LONP2: variants seen among roughly 807,000 people sequenced by gnomAD.
LONP2 encodes lon peptidase 2, peroxisomal.
In LONP2, 60 loss-of-function variants were observed where a neutral mutation model predicts 85.6. The observed-to-expected ratio is 0.70, with a 90% CI of 0.57 to 0.87. The LOEUF is 0.87. Among genes scored for constraint, LONP2 ranks in the 40% least tolerant of loss-of-function variants. The pLI, the probability that LONP2 is intolerant of heterozygous loss-of-function variation, is 0.00. For missense variants in LONP2, 860 were observed against 1,063.5 expected (o/e 0.81, Z 2.66); for synonymous variants, 395 against 389.7 (o/e 1.01, Z -0.16).
At chr16:48,255,331 A>C (rs1369622124) in intron 2 of LONP2, among the ~76,000 whole-genome samples, 1 of 152,150 alleles carries the variant, frequency 6.6e-6, no homozygotes, top group Non-Finnish European at 1.5e-5. Flanking sequence ...ATTGGCTTGT[A>C]ATGCTTCTGC....
At chr16:48,266,192 A>T (rs1447743912) in intron 6 of LONP2, among the ~76,000 whole-genome samples, 1 of 152,002 alleles carries the variant, frequency 6.6e-6, no homozygotes, top group Admixed American at 6.6e-5. Context: ...TTTAGCAGAG[A>T]CGGGGTTTCA....
At chr16:48,336,436 T>C (rs1959651907) in intron 12 of LONP2, 3 of 456,108 alleles carry the variant, frequency 6.6e-6, no homozygotes, top group African/African-American at 6.0e-5. Context: ...CATGCGTGCG[T>C]GCGGAGAGAC....
downstream of LONP2, chr16:48,362,190 C>T: frequency 6.2e-7 from 1 of 1,614,214 alleles, no homozygotes; most frequent in Non-Finnish European, 8.5e-7. The surrounding 1 kb of genome is among the most constrained non-coding windows in gnomAD (Gnocchi z 4.2). Context: ...GCGAATGGAT[C>T]CCAAAGGGCC....
At chr16:48,297,698 A>T (rs1972704859) in intron 9 of LONP2, among the ~76,000 whole-genome samples, 1 of 145,432 alleles carries the variant, frequency 6.9e-6, no homozygotes, top group Non-Finnish European at 1.5e-5. Flanking sequence ...TTATAATTGG[A>T]TTTCTGTTTG....
intron 1 of LONP2, chr16:48,247,700 A>G (rs189155964): frequency 6.6e-6 from 1 of 152,300 alleles, no homozygotes; most frequent in African/African-American, 2.4e-5. Context: ...TCTTAGTGAA[A>G]AGGGGTCATA....
chr16:48,318,082 TA>T (rs551455489), intron 11 of LONP2, among the ~76,000 whole-genome samples: 152 of 145,132 alleles, frequency 1.0e-3, no homozygotes, highest in Middle Eastern at 7.1e-3. Flanking sequence ...GAAGAATAGT[TA>T]AAAAAAAAAA....
At chr16:48,249,534 A>C (rs993837640) in intron 1 of LONP2, among the ~76,000 whole-genome samples, 1 of 152,126 alleles carries the variant, frequency 6.6e-6, no homozygotes, top group Non-Finnish European at 1.5e-5. Flanking sequence ...CTCACCAGGT[A>C]CTCTGTTTCT....
downstream of LONP2, chr16:48,362,232 C>T: frequency 6.2e-7 from 1 of 1,614,184 alleles, no homozygotes; most frequent in Non-Finnish European, 8.5e-7. This position sits in a 1 kb window ranked among gnomAD's most constrained non-coding sequence, Gnocchi z 4.2. Context: ...GAGCTTTGGG[C>T]GACAGTTGCT....
intron 11 of LONP2, among the ~76,000 whole-genome samples, chr16:48,318,338 GTGAAACCCCATCTCTTC>G (rs1456491604): frequency 2.6e-5 from 4 of 151,984 alleles, no homozygotes; most frequent in Non-Finnish European, 5.9e-5. Context: ...GGCCAACATG[GTGAAACCCCATCTCTTC>G]TAAAAATACA....
intron 8 of LONP2, among the ~76,000 whole-genome samples, chr16:48,289,578 A>G (rs577783632): frequency 6.6e-6 from 1 of 152,102 alleles, no homozygotes; most frequent in Admixed American, 6.5e-5. Flanking sequence ...GGCCAAATAT[A>G]TTTTCTTTTC....
rs34729067 is a variant in LONP2, at chr16:48,348,487, C to CTT, written c.2337+218_2337+219dup. ...AAAACTGACAATTTTTCACATTTTC[C>CTT]TTTTTTTTTTTTTTTTTTTTTTGAA... On this transcript the variant is annotated intron_variant, in intron 14 of 14. Coordinates refer to ENST00000285737, the MANE Select transcript of LONP2 (RefSeq NM_031490.5). Among the ~76,000 whole-genome samples the CTT allele has an allele frequency of 1.1e-3, 119 of 112,788 alleles. 1 individual carries two copies. The highest frequency in any genetic ancestry group is 1.1e-3 in the Non-Finnish European group (65 of 57,426). The allele number at this position is 112,788 out of a possible 152,430, so 74.0% of individuals were successfully genotyped here.
chr16:48,270,300 T>G, intron 7 of LONP2, 26 bp downstream of exon 7: 1 of 1,607,392 alleles, frequency 6.2e-7, no homozygotes, highest in Non-Finnish European at 8.5e-7. Flanking sequence ...CAGTTTAATC[T>G]CTGATTCCTC....
At chr16:48,291,789 T>A (rs1273425252) in intron 8 of LONP2, among the ~76,000 whole-genome samples, 2 of 152,268 alleles carry the variant, frequency 1.3e-5, no homozygotes, top group African/African-American at 2.4e-5. Flanking sequence ...CGGAGCTTCA[T>A]CTGAGTAGTG....
intron 11 of LONP2, among the ~76,000 whole-genome samples, chr16:48,326,420 G>A (rs1040797510): frequency 6.6e-6 from 1 of 152,180 alleles, no homozygotes; most frequent in Non-Finnish European, 1.5e-5. Flanking sequence ...CCTGTTACCA[G>A]AAAATTTAGC....
rs141847993 is a variant in LONP2 at position 48,303,673 on chromosome 16, G to C, written c.1795+368G>C. ...CACAATAGGCCATCTGCAGGCCGAG[G>C]AGCAAGGAAGCCAGTCCAAGTTCCA... On this transcript the variant is annotated intron_variant, in intron 11 of 14. Coordinates refer to ENST00000285737, the MANE Select transcript of LONP2 (RefSeq NM_031490.5). Among the ~76,000 whole-genome samples the C allele has an allele frequency of 4.4e-3, 668 of 152,268 alleles. 7 individuals are homozygous for C. The highest frequency in any genetic ancestry group is 0.015 in the African/African-American group (639 of 41,530).
At chr16:48,291,161 C>G (rs1972550573) in intron 8 of LONP2, among the ~76,000 whole-genome samples, 1 of 152,078 alleles carries the variant, frequency 6.6e-6, no homozygotes, top group South Asian at 2.1e-4. Flanking sequence ...ATAGCAAAAG[C>G]AGAGAAGATA....
rs1242959864 is a variant in LONP2 at position 48,261,604 on chromosome 16, A to G, written c.887+17A>G. The G allele has an allele frequency of 2.0e-6, 3 of 1,518,972 alleles. No individual in the cohort carries two copies. Among genetic ancestry groups the G allele is most frequent in the African/African-American group, 2.8e-5 (2 of 70,654 alleles). 94.1% of individuals were successfully genotyped at this position (1,518,972 alleles called of 1,614,324 possible). On this transcript the variant is annotated intron_variant, in intron 5 of 14. Coordinates refer to ENST00000285737, the MANE Select transcript of LONP2 (RefSeq NM_031490.5). ...GATAAAGAGGTAAATTATAAAAGGCATTTGTTCATTATTGTTTTCATTCTT... is the reference window on the plus strand; with the variant it reads ...GATAAAGAGGTAAATTATAAAAGGCGTTTGTTCATTATTGTTTTCATTCTT...
intron 8 of LONP2, among the ~76,000 whole-genome samples, chr16:48,289,081 T>TG: frequency 6.6e-6 from 1 of 152,336 alleles, no homozygotes; most frequent in Admixed American, 6.5e-5. Context: ...TTCATACCTT[T>TG]GCCTATACCC....
chr16:48,252,426 A>C, intron 2 of LONP2, 61 bp downstream of exon 2: 1 of 1,081,596 alleles, frequency 9.2e-7, no homozygotes, highest in Non-Finnish European at 1.3e-6. Context: ...CTTTCCTAAG[A>C]TATGGTGAAT....
Sources: allele counts gnomAD v4.1 joint callset (sites outside exome capture counted in the v4.1 genomes callset), GRCh38; gene constraint gnomAD v4.1.1; non-coding constraint Gnocchi (gnomAD v3.1); transcripts MANE v1.5; gene names NCBI Gene and HGNC (gene_info 2026-07-23, HGNC 2026-07-21).